The following MAD1L1 variants were observed in gnomAD, a reference collection of about 807,000 sequenced individuals.
MAD1L1 encodes the protein mitotic spindle assembly checkpoint protein MAD1.
A neutral mutation model predicts 96.9 loss-of-function variants in MAD1L1; 95 were observed. The ratio of observed to expected loss-of-function variants is 0.98; its 90% CI spans 0.83 to 1.16. MAD1L1 has a LOEUF of 1.16. Among genes scored for constraint, MAD1L1 ranks in the 50% most tolerant of loss-of-function variants. The pLI is 0.00. For missense variants in MAD1L1, 1,007 were observed against 954.4 expected (o/e 1.06, Z -0.73); for synonymous variants, 473 against 396.6 (o/e 1.19, Z -2.29).
chr7:1,831,871 A>AG (rs1308672656), intron 18 of MAD1L1, among the ~76,000 whole-genome samples: 1 of 152,258 alleles, frequency 6.6e-6, no homozygotes, highest in African/African-American at 2.4e-5. Context: ...CCTCCTGCTC[A>AG]GAAAACAAAA....
intron 10 of MAD1L1, among the ~76,000 whole-genome samples, chr7:2,150,146 C>T (rs552540487): frequency 4.9e-4 from 74 of 152,286 alleles, no homozygotes; most frequent in African/African-American, 1.4e-3. Context: ...ACGGGGACCC[C>T]GACATTGGCC....
At chr7:1,911,120 C>T (rs1348065526) in intron 17 of MAD1L1, among the ~76,000 whole-genome samples, 2 of 152,168 alleles carry the variant, frequency 1.3e-5, no homozygotes, top group African/African-American at 2.4e-5. Context: ...CCTGGGCGGC[C>T]GCCTCTCCCT....
intron 11 of MAD1L1, among the ~76,000 whole-genome samples, chr7:2,129,668 A>C (rs1788417397): frequency 1.3e-5 from 2 of 152,256 alleles, no homozygotes; most frequent in Non-Finnish European, 2.9e-5. Context: ...GTGGCAAGAC[A>C]GACACAGCTG....
chr7:2,072,761 G>C (rs1360292392), intron 11 of MAD1L1, among the ~76,000 whole-genome samples: 2 of 152,254 alleles, frequency 1.3e-5, no homozygotes, highest in South Asian at 4.1e-4. Context: ...TCTGGCCAGA[G>C]AGAAGGGTAA....
At chr7:2,198,279 A>C (rs916016914) in intron 10 of MAD1L1, among the ~76,000 whole-genome samples, 6 of 152,222 alleles carry the variant, frequency 3.9e-5, no homozygotes, top group African/African-American at 1.4e-4. Flanking sequence ...TGCCAGGAAG[A>C]GCCAGCAGGA....
intron 17 of MAD1L1, among the ~76,000 whole-genome samples, chr7:1,933,029 C>T (rs193166834): frequency 2.6e-5 from 4 of 152,354 alleles, no homozygotes; most frequent in East Asian, 3.9e-4. Context: ...GCTGAAGCCC[C>T]GTCTTCTCTC....
Position 2,211,997 on chromosome 7 carries a change from T to G in MAD1L1, c.986+1215A>C, listed in dbSNP as rs115351311. 4.7e-3 allele frequency among the ~76,000 whole-genome samples: 714 copies of G among 152,326 alleles called. 5 individuals carry two copies. Among genetic ancestry groups the G allele is most frequent in the African/African-American group, 0.016 (670 of 41,578 alleles). Reference sequence around the variant, plus strand: ...TCGGGCCCTGAGCCCCGGGCTCTGATGGCTCCTTCAAAAGCATCGCTCCTG... The same window carrying G: ...TCGGGCCCTGAGCCCCGGGCTCTGAGGGCTCCTTCAAAAGCATCGCTCCTG... On this transcript the variant is annotated intron_variant, in intron 10 of 18. Coordinates refer to ENST00000265854, the MANE Select transcript of MAD1L1 (RefSeq NM_001013836.2).
intron 10 of MAD1L1, chr7:2,174,996 C>CTGGA (rs1790878209): frequency 6.6e-6 from 1 of 152,222 alleles, no homozygotes; most frequent in Non-Finnish European, 1.5e-5. Flanking sequence ...TGTCCTCCCT[C>CTGGA]TGGATAGTCT....
intron 18 of MAD1L1, chr7:1,829,435 C>T (rs1384875092): frequency 6.6e-6 from 1 of 152,308 alleles, no homozygotes; most frequent in Admixed American, 6.5e-5. Flanking sequence ...GAAGCAGAAT[C>T]CTTCCGACGG....
intron 13 of MAD1L1, among the ~76,000 whole-genome samples, chr7:2,013,856 T>C (rs1214217737): frequency 6.6e-6 from 1 of 152,180 alleles, no homozygotes; most frequent in African/African-American, 2.4e-5. Context: ...CCCAGCTCCT[T>C]CTTCCCACTG....
chr7:2,071,952 C>T (rs1000179370), intron 11 of MAD1L1, among the ~76,000 whole-genome samples: 4 of 152,212 alleles, frequency 2.6e-5, no homozygotes, highest in Non-Finnish European at 4.4e-5. Flanking sequence ...TCTCGCCCTG[C>T]GCATCCATTC....
At chr7:2,028,610 G>A (rs1783086847) in intron 12 of MAD1L1, among the ~76,000 whole-genome samples, 1 of 152,118 alleles carries the variant, frequency 6.6e-6, no homozygotes, top group Non-Finnish European at 1.5e-5. Context: ...GGATGGCCAG[G>A]TAGAGCCAGG....
chr7:2,086,319 C>T (rs765763293), intron 11 of MAD1L1, among the ~76,000 whole-genome samples: 1 of 152,236 alleles, frequency 6.6e-6, no homozygotes, highest in Non-Finnish European at 1.5e-5. Context: ...AGCACAGGCA[C>T]GCCCTCGCTC....
At chr7:1,869,887 G>A (rs1784959765) in intron 18 of MAD1L1, among the ~76,000 whole-genome samples, 1 of 152,182 alleles carries the variant, frequency 6.6e-6, no homozygotes, top group African/African-American at 2.4e-5. Context: ...GAGGACCCAG[G>A]CTCGTCCCAC....
intron 7 of MAD1L1, 92 bp from the exon 8 acceptor site, chr7:2,216,379 G>GTTGCAGACC: frequency 7.6e-7 from 1 of 1,308,822 alleles, no homozygotes; most frequent in Non-Finnish European, 1.0e-6. Context: ...GAAGGAAGCC[G>GTTGCAGACC]GTCTGCAACG....
intron 12 of MAD1L1, among the ~76,000 whole-genome samples, chr7:2,059,421 G>C (rs1384037710): frequency 6.7e-6 from 1 of 150,258 alleles, no homozygotes; most frequent in African/African-American, 2.5e-5. Flanking sequence ...CCAGAGGAGA[G>C]GCACGGGGTT....
intron 15 of MAD1L1, among the ~76,000 whole-genome samples, chr7:1,980,013 G>A (rs1780820386): frequency 1.3e-5 from 2 of 152,194 alleles, no homozygotes; most frequent in Admixed American, 6.5e-5. Flanking sequence ...GATGGGATGG[G>A]ACTTACAAAG....
At chr7:1,839,868 C>T (rs544016070) in intron 18 of MAD1L1, among the ~76,000 whole-genome samples, 3 of 152,052 alleles carry the variant, frequency 2.0e-5, no homozygotes, top group South Asian at 4.2e-4. Context: ...GGTCCACCCA[C>T]GGCCAGGGCC....
intron 10 of MAD1L1, among the ~76,000 whole-genome samples, chr7:2,192,034 A>T (rs112411818): frequency 6.0e-5 from 8 of 133,440 alleles, no homozygotes; most frequent in South Asian, 2.2e-4. Context: ...CTGTCTCGAT[A>T]AAAAAAAAAA....
Sources: allele counts gnomAD v4.1 joint callset (sites outside exome capture counted in the v4.1 genomes callset), GRCh38; gene constraint gnomAD v4.1.1; transcripts MANE v1.5; gene names NCBI Gene and HGNC (gene_info 2026-07-23, HGNC 2026-07-21).